RARB: variants seen among roughly 807,000 people sequenced by gnomAD.
RARB encodes the protein HBV-activated protein.
In RARB, 17 loss-of-function variants were observed where a neutral mutation model predicts 51.9. The observed-to-expected ratio is 0.33, with a 90% CI of 0.22 to 0.49. The LOEUF (loss-of-function observed/expected upper bound fraction) is 0.49. Among genes scored for constraint, RARB ranks in the 20% least tolerant of loss-of-function variants. The probability of loss-of-function intolerance (pLI) is 0.99; values close to 1 mark genes in which losing one functional copy is unlikely to be tolerated. For synonymous variants in RARB, 215 were observed against 195.4 expected, an observed-to-expected ratio of 1.10 and a Z score of -0.84; for missense variants, 369 against 550.8, an observed-to-expected ratio of 0.67 and a Z score of 3.30.
At chr3:25,080,302 G>A (rs1698967686) in intron 3 of RARB, among the ~76,000 whole-genome samples, 1 of 152,104 alleles carries the variant, frequency 6.6e-6, no homozygotes, top group South Asian at 2.1e-4. Flanking sequence ...AATTATCTTT[G>A]TATAACACAT....
At chr3:25,360,826 A>G (rs1705910066) in intron 5 of RARB, among the ~76,000 whole-genome samples, 1 of 152,142 alleles carries the variant, frequency 6.6e-6, no homozygotes, top group South Asian at 2.1e-4. Context: ...TCTGGCTTGT[A>G]GGGTTTCTGC....
intron 3 of RARB, among the ~76,000 whole-genome samples, chr3:25,509,203 A>G (rs1189643390): frequency 1.3e-5 from 2 of 152,202 alleles, no homozygotes; most frequent in East Asian, 3.9e-4. Context: ...GCACATGGCA[A>G]AATTTTGCTT....
Position 24,988,409 on chromosome 3 carries a change from A to T in RARB, c.-379-71716A>T, listed in dbSNP as rs560027169. Among the ~76,000 whole-genome samples, 5 of 152,306 alleles carry T rather than the reference A, an allele frequency of 3.3e-5. No homozygotes were observed. In the South Asian group the frequency reaches 6.2e-4, roughly 19 times the overall value. On this transcript the variant is annotated intron_variant, in intron 2 of 11. Coordinates refer to the RARB transcript ENST00000383772. ...AATATATTACAAAGTATTCAAAAAAATTTAACATGTTCTTTTCTACCAGAC... is the reference window on the plus strand; with the variant it reads ...AATATATTACAAAGTATTCAAAAAATTTTAACATGTTCTTTTCTACCAGAC...
chr3:24,998,871 A>G (rs1697099426), intron 2 of RARB, among the ~76,000 whole-genome samples: 1 of 152,138 alleles, frequency 6.6e-6, no homozygotes, highest in African/African-American at 2.4e-5. Context: ...ATTAATATTT[A>G]TACATACCTA....
chr3:25,357,173 T>C (rs150041673), intron 5 of RARB, among the ~76,000 whole-genome samples: 7,277 of 152,202 alleles, frequency 0.048, 584 homozygotes, highest in African/African-American at 0.16. Flanking sequence ...CTCTCCAGCA[T>C]CTGTTGTTTC....
chr3:25,393,629 T>C (rs1183021237), intron 5 of RARB, among the ~76,000 whole-genome samples: 2 of 152,170 alleles, frequency 1.3e-5, no homozygotes, highest in South Asian at 4.1e-4. Context: ...ATTGTGTATT[T>C]CCAGGAATTT....
chr3:25,221,335 T>C (rs1359121344), intron 5 of RARB, among the ~76,000 whole-genome samples: 1 of 152,244 alleles, frequency 6.6e-6, no homozygotes, highest in Non-Finnish European at 1.5e-5. Flanking sequence ...AGTTCATAAC[T>C]GAGTGCTACT....
Position 25,368,886 on chromosome 3 carries a change from C to T in RARB, c.179-92307C>T, listed in dbSNP as rs533481252. Among the ~76,000 whole-genome samples the T allele has an allele frequency of 4.6e-5, 7 of 152,288 alleles. No homozygotes were observed. In the East Asian group the frequency reaches 1.4e-3, roughly 29 times the overall value. Reference sequence around the variant, plus strand: ...TCATTCCTTACTGTCAAATTGGCTGCCCGTTTGCACTGTTATGGGATTACA... The same window carrying T: ...TCATTCCTTACTGTCAAATTGGCTGTCCGTTTGCACTGTTATGGGATTACA... On this transcript the variant is annotated intron_variant, in intron 5 of 11. Coordinates refer to the RARB transcript ENST00000383772.
At chr3:24,994,402 C>G (rs1231574878) in intron 2 of RARB, among the ~76,000 whole-genome samples, 3 of 151,916 alleles carry the variant, frequency 2.0e-5, no homozygotes, top group African/African-American at 7.2e-5. Context: ...ATATTAATCC[C>G]CTATCAGATG....
At chr3:24,944,418 T>C (rs1431935007) in intron 2 of RARB, among the ~76,000 whole-genome samples, 1 of 152,226 alleles carries the variant, frequency 6.6e-6, no homozygotes, top group Non-Finnish European at 1.5e-5. Flanking sequence ...AATATTTGAT[T>C]TGCATTATCT....
chr3:25,506,708 G>A (rs1697622636), intron 3 of RARB, among the ~76,000 whole-genome samples: 1 of 152,264 alleles, frequency 6.6e-6, no homozygotes, highest in Non-Finnish European at 1.5e-5. Context: ...AAACAAGTGT[G>A]GTTATATTCC....
intron 4 of RARB, among the ~76,000 whole-genome samples, chr3:25,169,833 C>G (rs543028116): frequency 3.3e-4 from 50 of 151,906 alleles, no homozygotes; most frequent in African/African-American, 9.2e-4. Context: ...ACAAAAAATA[C>G]AAAAATTAGC....
chr3:24,921,376 A>G (rs1283397025), intron 2 of RARB, among the ~76,000 whole-genome samples: 4 of 152,072 alleles, frequency 2.6e-5, no homozygotes, highest in African/African-American at 9.7e-5. Flanking sequence ...AAAGCACTAC[A>G]TGCTTCTGTT....
rs192109185 is a variant in RARB, at chr3:24,971,491, G to A, written c.-379-88634G>A. Reference sequence around the variant, plus strand: ...TCAAGTAGACCAATACCAGTAATTCGTTATTTATCTGATATTGTGAAGTAT... The same window carrying A: ...TCAAGTAGACCAATACCAGTAATTCATTATTTATCTGATATTGTGAAGTAT... On this transcript the variant is annotated intron_variant, in intron 2 of 11. Transcript: ENST00000383772. Among the ~76,000 whole-genome samples the A allele has an allele frequency of 2.3e-4, 35 of 152,068 alleles. No homozygotes were observed. In the East Asian group the frequency reaches 2.3e-3, roughly 10 times the overall value.
intron 2 of RARB, among the ~76,000 whole-genome samples, chr3:25,016,381 T>A (rs1219743852): frequency 6.6e-6 from 1 of 152,168 alleles, no homozygotes; most frequent in Admixed American, 6.5e-5. Flanking sequence ...GACTGTAGGA[T>A]GTTCAGCACC....
At chr3:25,040,802 C>T (rs1043807657) in intron 2 of RARB, among the ~76,000 whole-genome samples, 9 of 152,210 alleles carry the variant, frequency 5.9e-5, no homozygotes, top group Non-Finnish European at 4.4e-5. Context: ...ATGTTAATTA[C>T]AAAGCGTTTT....
intron 3 of RARB, among the ~76,000 whole-genome samples, chr3:25,109,539 G>A (rs981145465): frequency 1.3e-5 from 2 of 152,076 alleles, no homozygotes; most frequent in African/African-American, 4.8e-5. Context: ...TTGAAAGTTG[G>A]ATATGCTGGT....
chr3:25,403,957 C>G (rs1456751850), intron 5 of RARB, among the ~76,000 whole-genome samples: 2 of 148,246 alleles, frequency 1.3e-5, no homozygotes, highest in African/African-American at 5.0e-5. Flanking sequence ...CAAAGCTTCC[C>G]TAATAACTTT....
chr3:25,494,753 T>A (rs1033585875), intron 2 of RARB, among the ~76,000 whole-genome samples: 1 of 152,336 alleles, frequency 6.6e-6, no homozygotes, highest in East Asian at 1.9e-4. Flanking sequence ...AAGTTGTCCA[T>A]CCCCAAGAGC....
Sources: allele counts gnomAD v4.1 joint callset (sites outside exome capture counted in the v4.1 genomes callset), GRCh38; gene constraint gnomAD v4.1.1; transcripts MANE v1.5; gene names NCBI Gene and HGNC (gene_info 2026-07-23, HGNC 2026-07-21).